KIF7: variants seen among roughly 807,000 people sequenced by gnomAD.
KIF7 encodes the protein kinesin family member 7, also known as kinesin-like protein KIF7.
A neutral mutation model predicts 135.7 loss-of-function variants in KIF7; 104 were observed. That is an observed-to-expected ratio of 0.77 (90% CI 0.65 to 0.90). The LOEUF (loss-of-function observed/expected upper bound fraction) is 0.90, where lower values mean the gene tolerates loss of function less well. Among genes scored for constraint, KIF7 ranks in the 40% least tolerant of loss-of-function variants. KIF7 has a pLI of 0.00. For synonymous variants in KIF7, 883 were observed against 809.4 expected (o/e 1.09, Z -1.54); for missense variants, 2,005 against 1,839.1 (o/e 1.09, Z -1.65).
chr15:89,633,257 G>T lies in KIF7; in HGVS notation c.2602C>A (p.Leu868Met). ...ATCTTCTGCTGTTGCTCATGCTTCA[G>T]CTCCAGCTCCTGGGTGAGGAGCTCA... The part of the protein sequence containing the change: ...KRQHRVKELE[L>M]KHEQQQKILK... The change falls in exon 13 of 19, where the codon CTG becomes ATG. Residue 868 changes from leucine (L) to methionine (M), a missense_variant. By Grantham distance (15) the Leu-to-Met change is conservative. Coordinates refer to ENST00000394412, the MANE Select transcript of KIF7 (RefSeq NM_198525.3). 1 of 1,570,670 alleles carries T rather than the reference G, an allele frequency of 6.4e-7. No individual in the cohort carries two copies.
downstream of KIF7, chr15:89,627,343 C>T (rs1164729918): frequency 1.2e-5 from 5 of 432,244 alleles, no homozygotes; most frequent in African/African-American, 7.9e-5. Context: ...GAGTCAGGAA[C>T]CCAGACAAGG....
downstream of KIF7, chr15:89,625,237 A>C (rs752259313): frequency 6.2e-7 from 1 of 1,613,224 alleles, no homozygotes; most frequent in Non-Finnish European, 8.5e-7. Context: ...GCAAACCTAC[A>C]TCTGCCAGGC....
Position 89,632,985 on chromosome 15 carries a change from C to A in KIF7, c.2730G>T (p.Glu910Asp). Reference sequence around the variant, plus strand: ...TCTCCTGGTCCAGCCACTTCTTCTGCTCCTCAATCTTCTAAGGAAAAGTAG... The same window carrying A: ...TCTCCTGGTCCAGCCACTTCTTCTGATCCTCAATCTTCTAAGGAAAAGTAG... Reference protein sequence around the residue: ...VSLEQQQKIEEQKKWLDQEME... With the variant: ...VSLEQQQKIEDQKKWLDQEME... The change falls in exon 14 of 19, where the codon GAG becomes GAT. Residue 910 changes from glutamate (E) to aspartate (D), a missense_variant. By Grantham distance (45) the Glu-to-Asp change is conservative (BLOSUM62 2). Transcript: ENST00000394412. The A allele has an allele frequency of 8.4e-7, 1 of 1,187,804 alleles. No homozygotes were observed. 73.6% of individuals were successfully genotyped at this position (1,187,804 alleles called of 1,614,324 possible).
At chr15:89,629,184 TGTGGGGGTGGGGGCTGTGGG>T (rs1963609560) in intron 17 of KIF7, 62 bp from the exon 18 acceptor site, 1 of 912,356 alleles carries the variant, frequency 1.1e-6, no homozygotes. Context: ...CGGCCAGGGC[TGTGGGGGTGGGGGCTGTGGG>T]CTGGGTGGGG....
At chr15:89,624,023 G>A (rs374791625), downstream of KIF7, 6 of 1,613,810 alleles carry the variant, frequency 3.7e-6, no homozygotes, top group Admixed American at 8.3e-5. Flanking sequence ...CAGCCCAGGA[G>A]AGAGTGTCTC....
At chr15:89,648,845 G>A in intron 4 of KIF7, 71 bp from the exon 5 acceptor site, 1 of 1,475,650 alleles carries the variant, frequency 6.8e-7, no homozygotes, top group Non-Finnish European at 9.0e-7. Context: ...CCAGACCTGG[G>A]ACCGGCTCCT....
chr15:89,646,915 A>AG lies in KIF7; in HGVS notation c.1702dup (p.Leu568ProfsTer21), dbSNP rs772716663. ...CAGCACATGGGCGTGGGCACCCCCC[A>AG]GGGGGGCTGTATGAGGTCGAGGCAC... On this transcript the variant is annotated frameshift_variant, in exon 7 of 19. Coordinates refer to ENST00000394412, the MANE Select transcript of KIF7 (RefSeq NM_198525.3). LOFTEE classifies it high-confidence loss of function. The AG allele has an allele frequency of 3.1e-6, 5 of 1,613,964 alleles. No homozygotes were observed. Among genetic ancestry groups the AG allele is most frequent in the South Asian group, 1.1e-5 (1 of 91,064 alleles).
chr15:89,628,724 G>A lies in KIF7; in HGVS notation c.3727C>T (p.His1243Tyr). ...AGCCAGAGAAGCTCGGGTGCCAGGT[G>A]GAGCTCATCTTCATTTCCAGGAGCC... ...RQAPGNEDELHLAPELLWLSP... is the reference protein window; with the variant it reads ...RQAPGNEDELYLAPELLWLSP... Residue 1243 changes from histidine to tyrosine, a missense_variant, in exon 19 of 19, where the codon CAC (histidine) becomes TAC (tyrosine). His to Tyr is a moderately conservative substitution (Grantham distance 83). Transcript: ENST00000394412. The A allele has an allele frequency of 6.2e-7, 1 of 1,613,000 alleles. No homozygotes were observed.
chr15:89,638,868 A>G (rs1252350087), intron 11 of KIF7, among the ~76,000 whole-genome samples: 2 of 152,298 alleles, frequency 1.3e-5, no homozygotes, highest in South Asian at 2.1e-4. Flanking sequence ...CAAAGCTGGA[A>G]GCATCACACT....
chr15:89,654,995 C>T (rs1453922315), intron 1 of KIF7, among the ~76,000 whole-genome samples: 1 of 152,218 alleles, frequency 6.6e-6, no homozygotes, highest in Non-Finnish European at 1.5e-5. Flanking sequence ...CTCCGCACAG[C>T]GCTCCCGCTC....
At chr15:89,624,269 C>T, downstream of KIF7, 2 of 1,614,192 alleles carry the variant, frequency 1.2e-6, no homozygotes, top group Non-Finnish European at 1.7e-6. Flanking sequence ...TGTGATGTCT[C>T]CAAGAAGAGT....
At chr15:89,626,867 TTGTG>T, downstream of KIF7, 2 of 1,418,530 alleles carry the variant, frequency 1.4e-6, no homozygotes, top group Non-Finnish European at 1.9e-6. Flanking sequence ...AAGTCTGTTT[TTGTG>T]TGTAACCCTC....
At chr15:89,632,637 C>T (rs1035079201) in intron 14 of KIF7, among the ~76,000 whole-genome samples, 183 bp downstream of exon 14, 11 of 152,190 alleles carry the variant, frequency 7.2e-5, no homozygotes, top group African/African-American at 2.7e-4. Context: ...AAGAAACTCT[C>T]CTGTCTAGAC....
downstream of KIF7, chr15:89,623,822 C>G (rs1963464174): frequency 6.2e-7 from 1 of 1,613,898 alleles, no homozygotes. Flanking sequence ...CCATTGGATT[C>G]AAAAATCACT....
intron 11 of KIF7, among the ~76,000 whole-genome samples, chr15:89,634,719 T>C (rs1189668380): frequency 1.3e-5 from 2 of 152,028 alleles, no homozygotes; most frequent in Non-Finnish European, 2.9e-5. Flanking sequence ...CAGTCGGAGA[T>C]CAAACTGCAA....
rs1338739510 is a variant in KIF7 at position 89,621,258 on chromosome 15, C to T, written c.181-3063G>A. ...CTGGTCTCGAACTCCTGACCTCAGA[C>T]CATCCACCTGTCTCGGCCTCCCAAA... On this transcript the variant is annotated intron_variant and NMD_transcript_variant, in intron 1 of 2. Transcript: ENST00000558928. 3 of 762,468 alleles carry T rather than the reference C, an allele frequency of 3.9e-6. No homozygotes were observed. The African/African-American group carries it at 5.6e-5, about 14-fold the overall frequency. 47.2% of individuals were successfully genotyped at this position (762,468 alleles called of 1,614,324 possible). A position where few individuals can be genotyped will look rare whatever the true frequency, so the allele number is the denominator to read the frequency against.
Position 89,629,459 on chromosome 15 carries a change from G to A in KIF7, c.3433C>T (p.Gln1145Ter), listed in dbSNP as rs1204832680. 3.1e-5 allele frequency: 50 copies of A among 1,609,650 alleles called. No individual in the cohort carries two copies. Among genetic ancestry groups the A allele is most frequent in the Non-Finnish European group, 4.2e-5 (49 of 1,179,968 alleles). The change falls in exon 17 of 19, where the codon CAG (glutamine) becomes TAG (stop). Residue 1145 changes from glutamine to a stop codon, truncating the protein, a stop_gained. Transcript: ENST00000394412. LOFTEE classifies it high-confidence loss of function. ...VYWLEVALER[Q>*]RLEMDRQLTL... ...AGCTGGCGGTCCATCTCCAGGCGCT[G>A]CCGCTCCAGGGCCACCTCCAGCCAG...
chr15:89,648,511 G>C lies in KIF7; in HGVS notation c.1187C>G (p.Thr396Ser). The C allele has an allele frequency of 9.3e-7, 1 of 1,074,214 alleles. No homozygotes were observed. The highest frequency in any genetic ancestry group is 1.1e-6 in the Non-Finnish European group (1 of 886,274). 66.5% of individuals were successfully genotyped at this position (1,074,214 alleles called of 1,614,324 possible). A position where few individuals can be genotyped will look rare whatever the true frequency, so the allele number is the denominator to read the frequency against. The change falls in exon 5 of 19, where the codon ACC (threonine) becomes AGC (serine). Residue 396 changes from threonine to serine, a missense_variant. Transcript: ENST00000394412. ...HRGRRAPGPA[T>S]ASAAAAMRLG... ...GCGCATGGCGGCCGCCGCGGAGGCG[G>C]TGGCTGGGCCTGGGGCGCGCCGGCC...
Position 89,633,171 on chromosome 15 carries a change from G to GT in KIF7, c.2687dup (p.Asn896LysfsTer14). On this transcript the variant is annotated frameshift_variant, in exon 13 of 19. Transcript: ENST00000394412. LOFTEE classifies it high-confidence loss of function. Reference sequence around the variant, plus strand: ...GCTGTTCCAGGCTGACCACAGAGCCGTTGCTGCCACTGCGCCTCTTCCTCT... The same window carrying GT: ...GCTGTTCCAGGCTGACCACAGAGCCGTTTGCTGCCACTGCGCCTCTTCCTCT... 1.2e-6 allele frequency: 2 copies of GT among 1,604,152 alleles called. No individual in the cohort carries two copies. The highest frequency in any genetic ancestry group is 1.7e-6 in the Non-Finnish European group (2 of 1,179,450).
Sources: allele counts gnomAD v4.1 joint callset (sites outside exome capture counted in the v4.1 genomes callset), GRCh38; gene constraint gnomAD v4.1.1; transcripts MANE v1.5; gene names NCBI Gene and HGNC (gene_info 2026-07-23, HGNC 2026-07-21).